Variants in ADGRL2 observed in about 807,000 individuals in gnomAD.
ADGRL2 encodes the protein calcium-independent alpha-latrotoxin receptor 2.
ADGRL2 carries 44 observed loss-of-function variants against 157.4 expected under a neutral mutation model. The observed-to-expected ratio is 0.28, with a 90% CI of 0.22 to 0.36. The LOEUF is 0.36. Among genes scored for constraint, ADGRL2 ranks in the 10% least tolerant of loss-of-function variants. ADGRL2 has a pLI of 1.00. For missense variants in ADGRL2, 1,510 were observed against 1,768.9 expected (o/e 0.85, Z 2.63); for synonymous variants, 585 against 624.7 (o/e 0.94, Z 0.95).
intron 1 of ADGRL2, among the ~76,000 whole-genome samples, chr1:81,364,451 T>A (rs2100935949): frequency 6.6e-6 from 1 of 152,262 alleles, no homozygotes; most frequent in South Asian, 2.1e-4. Flanking sequence ...ATTGGGTAGG[T>A]ACGGAAGGTT....
At chr1:81,363,636 T>C (rs12401959) in intron 1 of ADGRL2, among the ~76,000 whole-genome samples, 77,328 of 151,900 alleles carry the variant, frequency 0.51, 21,708 homozygotes, top group East Asian at 0.72. Flanking sequence ...GTGTCCTCCA[T>C]TGTGCTGCTG....
chr1:81,418,207 G>A (rs974064542), intron 1 of ADGRL2, among the ~76,000 whole-genome samples: 41 of 152,126 alleles, frequency 2.7e-4, no homozygotes, highest in Admixed American at 2.6e-4. Context: ...AAAAGGAATA[G>A]ATGTTTATTT....
intron 17 of ADGRL2, among the ~76,000 whole-genome samples, chr1:81,978,449 T>G (rs1361835275): frequency 6.6e-6 from 1 of 151,810 alleles, no homozygotes; most frequent in Non-Finnish European, 1.5e-5. Flanking sequence ...AAGCACTGTT[T>G]TTGTCCTTAA....
chr1:81,307,160 A>G (rs1196568654), intron 1 of ADGRL2, among the ~76,000 whole-genome samples: 1 of 140,582 alleles, frequency 7.1e-6, no homozygotes, highest in African/African-American at 3.2e-5. Flanking sequence ...GTATTACAGA[A>G]AAGTTTAATG....
chr1:81,420,240 G>A (rs1048718010), intron 1 of ADGRL2, among the ~76,000 whole-genome samples: 1 of 152,152 alleles, frequency 6.6e-6, no homozygotes, highest in Non-Finnish European at 1.5e-5. Flanking sequence ...ATTCTCATCA[G>A]CATATTGGAT....
At chr1:81,695,348 C>T (rs750571329), upstream of ADGRL2, among the ~76,000 whole-genome samples, 17 of 152,000 alleles carry the variant, frequency 1.1e-4, no homozygotes, top group South Asian at 2.1e-4. Context: ...TACCCACTTA[C>T]ACTGGAATAG....
intron 2 of ADGRL2, among the ~76,000 whole-genome samples, chr1:81,888,564 G>A (rs751326470): frequency 4.0e-5 from 6 of 151,548 alleles, no homozygotes; most frequent in African/African-American, 7.3e-5. Flanking sequence ...TCAGCCTCCC[G>A]AGTAGCTAGG....
At chr1:81,566,730 C>A (rs2080571709) in intron 2 of ADGRL2, among the ~76,000 whole-genome samples, 1 of 152,078 alleles carries the variant, frequency 6.6e-6, no homozygotes, top group Non-Finnish European at 1.5e-5. Flanking sequence ...AGGGTGACTT[C>A]TTTGAGCCTA....
rs577430368 is a variant in ADGRL2 at position 81,350,645 on chromosome 1, C to A, written c.-302+44136C>A. Among the ~76,000 whole-genome samples, 232 of 152,290 alleles carry A rather than the reference C, an allele frequency of 1.5e-3. 1 individual carries two copies. The Middle Eastern group carries it at 0.017, about 11-fold the overall frequency. The stretch of plus-strand genomic sequence containing the variant: ...AGCACGTAGAAACATAGTCTACCAA[C>A]GTAATGTCTTTCAGTAGCAAAATTT... On this transcript the variant is annotated intron_variant, in intron 1 of 24. Transcript: ENST00000370721.
At chr1:81,435,231 A>G (rs2077388123) in intron 1 of ADGRL2, among the ~76,000 whole-genome samples, 1 of 152,212 alleles carries the variant, frequency 6.6e-6, no homozygotes, top group African/African-American at 2.4e-5. Flanking sequence ...TTTCTGCTTC[A>G]CCAGCAACTG....
intron 2 of ADGRL2, among the ~76,000 whole-genome samples, chr1:81,791,056 G>C (rs1448381538): frequency 5.8e-5 from 5 of 86,858 alleles, no homozygotes; most frequent in South Asian, 4.6e-4. Flanking sequence ...GATGCAGCAA[G>C]ACCCTATCTC....
rs1212191557 is a variant in ADGRL2 at position 81,403,229 on chromosome 1, T to A, written c.-301-41807T>A. On this transcript the variant is annotated intron_variant, in intron 1 of 24. Transcript: ENST00000370721. Reference sequence around the variant, plus strand: ...GGAATGTACGTAACACTTTTCCTTGTTTTTTTTTTGTTGTTGTTTGTTTGT... The same window carrying A: ...GGAATGTACGTAACACTTTTCCTTGATTTTTTTTTGTTGTTGTTTGTTTGT... 2.6e-4 allele frequency among the ~76,000 whole-genome samples: 4 copies of A among 15,486 alleles called. No homozygotes were observed. In the East Asian group the frequency reaches 0.051, roughly 199 times the overall value. The allele number at this position is 15,486 out of a possible 152,430, so 10.2% of individuals were successfully genotyped here. A position where few individuals can be genotyped will look rare whatever the true frequency, so the allele number is the denominator to read the frequency against.
intron 3 of ADGRL2, among the ~76,000 whole-genome samples, chr1:81,615,841 A>T (rs904145458): frequency 6.6e-6 from 1 of 152,218 alleles, no homozygotes; most frequent in African/African-American, 2.4e-5. Flanking sequence ...GTTAGGAAGA[A>T]GCGATCCAGT....
intron 2 of ADGRL2, among the ~76,000 whole-genome samples, chr1:81,546,587 A>G (rs529985494): frequency 6.6e-6 from 1 of 152,156 alleles, no homozygotes; most frequent in African/African-American, 2.4e-5. Context: ...AATTGATTGG[A>G]TCTTCTTCAT....
chr1:81,769,255 A>G (rs1224250418), intron 2 of ADGRL2, among the ~76,000 whole-genome samples: 3 of 152,156 alleles, frequency 2.0e-5, no homozygotes, highest in African/African-American at 7.2e-5. Flanking sequence ...GCTAAACTTC[A>G]TAAACTTTTC....
chr1:81,675,334 A>G (rs1360838233), intron 3 of ADGRL2, among the ~76,000 whole-genome samples: 1 of 152,226 alleles, frequency 6.6e-6, no homozygotes, highest in African/African-American at 2.4e-5. Context: ...ATTGAAAGTC[A>G]AATCTCCAAT....
intron 2 of ADGRL2, among the ~76,000 whole-genome samples, chr1:81,850,160 G>A (rs1372836035): frequency 6.6e-6 from 1 of 151,840 alleles, no homozygotes; most frequent in Non-Finnish European, 1.5e-5. Flanking sequence ...AAAAGCATTA[G>A]CCAGCATCCA....
At chr1:81,937,691 T>A (rs2095330119) in intron 4 of ADGRL2, among the ~76,000 whole-genome samples, 1 of 151,840 alleles carries the variant, frequency 6.6e-6, no homozygotes, top group Non-Finnish European at 1.5e-5. Context: ...TGTTAGTTCA[T>A]GGGCGTTTGA....
chr1:81,418,114 G>A (rs2077063257), intron 1 of ADGRL2, among the ~76,000 whole-genome samples: 1 of 152,120 alleles, frequency 6.6e-6, no homozygotes, highest in Admixed American at 6.5e-5. Context: ...AATACATAGT[G>A]TCCAATGGTA....
Sources: gnomAD v4.1 joint callset for allele counts (sites outside exome capture counted in the v4.1 genomes callset) on GRCh38, gnomAD v4.1.1 for gene constraint, MANE v1.5 for transcripts, NCBI Gene and HGNC (gene_info 2026-07-23, HGNC 2026-07-21) for gene names.